CDH13: variants seen among roughly 807,000 people sequenced by gnomAD.
CDH13 encodes the protein cadherin-13.
CDH13 carries 24 observed loss-of-function variants against 63.8 expected under a neutral mutation model. That is an observed-to-expected ratio of 0.38 (90% confidence interval 0.27 to 0.53). CDH13 has a LOEUF of 0.53. Among genes scored for constraint, CDH13 ranks in the 20% least tolerant of loss-of-function variants. CDH13 has a pLI of 0.85. For missense variants in CDH13, 1,049 were observed against 903.1 expected (o/e 1.16, Z -2.07); for synonymous variants, 503 against 355.3 (o/e 1.42, Z -4.67).
intron 1 of CDH13, among the ~76,000 whole-genome samples, chr16:82,745,968 G>T (rs979363839): frequency 6.6e-6 from 1 of 151,736 alleles, no homozygotes; most frequent in Non-Finnish European, 1.5e-5. Context: ...CAAAACTATT[G>T]TTATATTTAA....
intron 1 of CDH13, among the ~76,000 whole-genome samples, chr16:82,693,063 C>G (rs1435289298): frequency 6.6e-6 from 1 of 152,128 alleles, no homozygotes; most frequent in Non-Finnish European, 1.5e-5. Flanking sequence ...TAGCAAGGAG[C>G]TGGGGGTGGC....
intron 7 of CDH13, among the ~76,000 whole-genome samples, chr16:83,520,880 A>G (rs1044584434): frequency 2.0e-5 from 3 of 152,152 alleles, no homozygotes; most frequent in African/African-American, 4.8e-5. Flanking sequence ...TCTTCATCCA[A>G]GTTTTATTTA....
In CDH13 at chr16:83,707,594, C is replaced by T. The variant is rs548667468; in HGVS notation, c.1538+29133C>T. Among the ~76,000 whole-genome samples the T allele has an allele frequency of 5.3e-5, 8 of 151,908 alleles. No homozygotes were observed. The South Asian group carries it at 1.7e-3, about 32-fold the overall frequency. On this transcript the variant is annotated intron_variant, in intron 10 of 13. Transcript: ENST00000567109. ...GAAATGTTTAAAATAATTGCTGATCCCCTGTTCTACTACTCTTCCCTATTC... is the reference window on the plus strand; with the variant it reads ...GAAATGTTTAAAATAATTGCTGATCTCCTGTTCTACTACTCTTCCCTATTC...
At chr16:82,877,072 C>T (rs2040530689) in intron 2 of CDH13, among the ~76,000 whole-genome samples, 1 of 152,116 alleles carries the variant, frequency 6.6e-6, no homozygotes, top group African/African-American at 2.4e-5. Flanking sequence ...GCAAATACTA[C>T]CTTAACAGAA....
chr16:83,273,537 G>C (rs962209607), intron 5 of CDH13, among the ~76,000 whole-genome samples: 5 of 152,110 alleles, frequency 3.3e-5, no homozygotes, highest in African/African-American at 9.7e-5. Flanking sequence ...ATACTATGAA[G>C]CCACAAAAAA....
intron 5 of CDH13, among the ~76,000 whole-genome samples, chr16:83,338,655 C>T (rs916881607): frequency 4.6e-5 from 7 of 152,176 alleles, no homozygotes; most frequent in African/African-American, 1.7e-4. Context: ...GGAGGCTCTT[C>T]TTGATATTTG....
At chr16:83,604,633 C>T (rs1283243689) in intron 8 of CDH13, among the ~76,000 whole-genome samples, 1 of 152,044 alleles carries the variant, frequency 6.6e-6, no homozygotes, top group Non-Finnish European at 1.5e-5. Flanking sequence ...CCTTATATGG[C>T]TTATGGAGCT....
At chr16:83,301,742 C>T (rs1034886741) in intron 5 of CDH13, among the ~76,000 whole-genome samples, 7 of 151,978 alleles carry the variant, frequency 4.6e-5, no homozygotes, top group Non-Finnish European at 1.5e-5. Flanking sequence ...TTATTTTTTC[C>T]TTCTTTGATG....
At chr16:83,675,539 A>G (rs1209556223) in intron 9 of CDH13, among the ~76,000 whole-genome samples, 2 of 151,948 alleles carry the variant, frequency 1.3e-5, no homozygotes, top group Non-Finnish European at 2.9e-5. Context: ...TTGCTTCCCC[A>G]CTCTTCTTCC....
At chr16:83,188,459 T>C (rs2038593915) in intron 4 of CDH13, among the ~76,000 whole-genome samples, 1 of 152,186 alleles carries the variant, frequency 6.6e-6, no homozygotes, top group African/African-American at 2.4e-5. Flanking sequence ...ATGCATTCTT[T>C]TTGAGTCCTC....
chr16:83,193,980 C>A (rs150939216), intron 4 of CDH13, among the ~76,000 whole-genome samples: 1 of 152,178 alleles, frequency 6.6e-6, no homozygotes, highest in South Asian at 2.1e-4. Flanking sequence ...CCCCACAATA[C>A]GAGGAGGGAA....
intron 1 of CDH13, among the ~76,000 whole-genome samples, chr16:82,684,037 G>A (rs560378265): frequency 6.6e-6 from 1 of 152,318 alleles, no homozygotes; most frequent in Admixed American, 6.5e-5. Flanking sequence ...CCTTCCCAAG[G>A]ACTATTTATA....
At chr16:83,054,759 C>G (rs952652236) in intron 3 of CDH13, among the ~76,000 whole-genome samples, 2 of 152,062 alleles carry the variant, frequency 1.3e-5, no homozygotes, top group African/African-American at 4.8e-5. Context: ...AACTTTAACA[C>G]ATTTCTACAT....
chr16:83,697,768 C>A (rs554950683), intron 10 of CDH13, among the ~76,000 whole-genome samples: 9 of 152,194 alleles, frequency 5.9e-5, no homozygotes, highest in Admixed American at 6.5e-5. Context: ...CTGCCTCAGC[C>A]TCCTGAGTAG....
At chr16:83,322,809 G>T (rs897161213) in intron 5 of CDH13, among the ~76,000 whole-genome samples, 10 of 152,052 alleles carry the variant, frequency 6.6e-5, no homozygotes, top group Admixed American at 3.3e-4. Flanking sequence ...GTACCTACAG[G>T]TTATAATTAA....
intron 6 of CDH13, among the ~76,000 whole-genome samples, chr16:83,483,385 T>G (rs1385418914): frequency 6.6e-6 from 1 of 152,138 alleles, no homozygotes; most frequent in Non-Finnish European, 1.5e-5. Context: ...TTGTGTTACA[T>G]CATGTTATCC....
intron 2 of CDH13, among the ~76,000 whole-genome samples, chr16:82,991,828 G>C (rs1013633509): frequency 1.4e-5 from 2 of 147,832 alleles, no homozygotes; most frequent in Admixed American, 6.7e-5. Context: ...GAAGAGGGAA[G>C]GAGAAATTTA....
intron 5 of CDH13, among the ~76,000 whole-genome samples, chr16:83,253,814 C>T (rs1163838578): frequency 6.6e-6 from 1 of 152,216 alleles, no homozygotes; most frequent in East Asian, 1.9e-4. Flanking sequence ...TGGACATGTG[C>T]AGGCACATCC....
chr16:82,883,386 A>G (rs758137390), intron 2 of CDH13, among the ~76,000 whole-genome samples: 2 of 152,238 alleles, frequency 1.3e-5, no homozygotes, highest in African/African-American at 4.8e-5. Context: ...TTGAGTGTCT[A>G]TCAGAGTCAC....
Sources: gnomAD v4.1 joint callset for allele counts (sites outside exome capture counted in the v4.1 genomes callset) on GRCh38, gnomAD v4.1.1 for gene constraint, MANE v1.5 for transcripts, NCBI Gene and HGNC (gene_info 2026-07-23, HGNC 2026-07-21) for gene names.